TSNARE1: variants seen among roughly 807,000 people sequenced by gnomAD.
TSNARE1 encodes t-SNARE domain-containing protein 1.
Under a neutral mutation model 62.0 loss-of-function variants are expected in TSNARE1, and 49 were observed. The observed-to-expected ratio is 0.79, with a 90% CI of 0.63 to 1.00. The LOEUF is 1.00. Among genes scored for constraint, TSNARE1 ranks in the 50% least tolerant of loss-of-function variants. The pLI is 0.00. For missense variants in TSNARE1, 755 were observed against 700.1 expected, an observed-to-expected ratio of 1.08 and a Z score of -0.88; for synonymous variants, 328 against 294.4, an observed-to-expected ratio of 1.11 and a Z score of -1.17.
At chr8:142,380,558 C>A (rs1042886948) in intron 1 of TSNARE1, among the ~76,000 whole-genome samples, 1 of 151,594 alleles carries the variant, frequency 6.6e-6, no homozygotes, top group African/African-American at 2.4e-5. Context: ...CCACTTCTCA[C>A]AGCAGCCCCT....
chr8:142,350,172 G>T (rs1469578509), intron 2 of TSNARE1, among the ~76,000 whole-genome samples: 1 of 120,330 alleles, frequency 8.3e-6, no homozygotes, highest in Non-Finnish European at 1.9e-5. Context: ...CAGGCAGGGT[G>T]GGCAGGGCTG....
At chr8:142,278,197 A>G (rs940143754) in intron 11 of TSNARE1, 1 of 985,106 alleles carries the variant, frequency 1.0e-6, no homozygotes, top group African/African-American at 1.7e-5. Flanking sequence ...CCCCTTGTCC[A>G]AGCCCAGCCA....
At chr8:142,290,051 TGAG>T (rs1199316255) in intron 10 of TSNARE1, among the ~76,000 whole-genome samples, 2 of 152,090 alleles carry the variant, frequency 1.3e-5, no homozygotes, top group African/African-American at 4.8e-5. Context: ...CCTCGGCTCC[TGAG>T]GAGGAAGCTC....
intron 9 of TSNARE1, among the ~76,000 whole-genome samples, chr8:142,305,442 A>G (rs570094105): frequency 1.6e-3 from 243 of 151,926 alleles, no homozygotes; most frequent in African/African-American, 5.7e-3. Flanking sequence ...GAAGGCAGTC[A>G]CACTGGGATG....
chr8:142,275,709 C>T, intron 11 of TSNARE1: 1 of 985,454 alleles, frequency 1.0e-6, no homozygotes, highest in East Asian at 1.1e-4. Context: ...TGGAGAAGAG[C>T]TTGGGAGGCA....
chr8:142,279,694 A>G (rs1821093624), intron 11 of TSNARE1, among the ~76,000 whole-genome samples: 1 of 152,080 alleles, frequency 6.6e-6, no homozygotes. Flanking sequence ...ACCTAAAAGA[A>G]GAGATGGGCC....
Position 142,354,751 on chromosome 8 carries a change from C to G in TSNARE1, c.-27G>C, listed in dbSNP as rs1302245980. On this transcript the variant is annotated 5_prime_UTR_variant, in exon 2 of 14. Coordinates refer to ENST00000524325, the MANE Select transcript of TSNARE1 (RefSeq NM_145003.5). ...TTCTTACAGATGGCAGGGCCAGCAGCCTCCACACTGAGCTGGAGGAAACAC... is the reference window on the plus strand; with the variant it reads ...TTCTTACAGATGGCAGGGCCAGCAGGCTCCACACTGAGCTGGAGGAAACAC... The G allele has an allele frequency of 6.3e-7, 1 of 1,575,454 alleles. No homozygotes were observed.
At chr8:142,233,503 T>A (rs1382840976) in intron 12 of TSNARE1, among the ~76,000 whole-genome samples, 1 of 152,082 alleles carries the variant, frequency 6.6e-6, no homozygotes, top group Admixed American at 6.5e-5. Flanking sequence ...CCGGGAGACC[T>A]CCCTGCATCA....
intron 12 of TSNARE1, chr8:142,274,538 G>A: frequency 2.0e-6 from 2 of 985,428 alleles, no homozygotes; most frequent in Non-Finnish European, 2.4e-6. Flanking sequence ...GGGCGGCGTG[G>A]TGCATACAAG....
intron 1 of TSNARE1, among the ~76,000 whole-genome samples, chr8:142,380,601 C>T (rs1205994989): frequency 2.6e-5 from 4 of 151,996 alleles, no homozygotes; most frequent in African/African-American, 7.3e-5. Context: ...TGTAGGCTCC[C>T]TGCAGAGCCC....
intron 11 of TSNARE1, chr8:142,276,270 C>G (rs1416248203): frequency 1.0e-6 from 1 of 985,334 alleles, no homozygotes; most frequent in Non-Finnish European, 1.2e-6. Context: ...CAGCCCCCAA[C>G]TGAACTCTGC....
chr8:142,227,233 C>T (rs1816857887), intron 13 of TSNARE1, among the ~76,000 whole-genome samples: 1 of 151,358 alleles, frequency 6.6e-6, no homozygotes, highest in Admixed American at 6.6e-5. Flanking sequence ...CAGCCAGGCC[C>T]TACATCCTGC....
chr8:142,360,668 C>T (rs1015344627), intron 1 of TSNARE1, among the ~76,000 whole-genome samples: 3 of 152,148 alleles, frequency 2.0e-5, no homozygotes, highest in African/African-American at 7.2e-5. Context: ...CCTTGCACTG[C>T]CCAGATCCTG....
At chr8:142,314,548 C>A in intron 8 of TSNARE1, 108 bp from the exon 9 acceptor site, 1 of 881,436 alleles carries the variant, frequency 1.1e-6, no homozygotes, top group Non-Finnish European at 1.8e-6. Flanking sequence ...TGCAGCAAAA[C>A]ACGCCTGCCA....
chr8:142,355,374 C>T (rs979271563), intron 1 of TSNARE1, among the ~76,000 whole-genome samples: 1 of 152,234 alleles, frequency 6.6e-6, no homozygotes, highest in Non-Finnish European at 1.5e-5. Context: ...AGAGGACCTG[C>T]GTCTTAGGGC....
At chr8:142,355,789 G>A (rs1240135020) in intron 1 of TSNARE1, among the ~76,000 whole-genome samples, 3 of 152,288 alleles carry the variant, frequency 2.0e-5, no homozygotes, top group African/African-American at 4.8e-5. Flanking sequence ...TGAGCCTCAC[G>A]CCAGCTGAGT....
intron 1 of TSNARE1, among the ~76,000 whole-genome samples, chr8:142,364,817 A>G (rs1000526835): frequency 2.6e-5 from 4 of 152,242 alleles, no homozygotes; most frequent in Non-Finnish European, 4.4e-5. Context: ...ATAAAAATTT[A>G]TGAGTCCACA....
intron 4 of TSNARE1, among the ~76,000 whole-genome samples, chr8:142,332,446 T>C (rs1295459349): frequency 1.3e-5 from 2 of 151,234 alleles, no homozygotes; most frequent in South Asian, 2.1e-4. Flanking sequence ...GGGGGTGCTT[T>C]TGGGGGTGAT....
intron 11 of TSNARE1, among the ~76,000 whole-genome samples, chr8:142,279,376 G>C (rs951165222): frequency 6.6e-6 from 1 of 152,200 alleles, no homozygotes; most frequent in Non-Finnish European, 1.5e-5. Flanking sequence ...GGGCACCAGG[G>C]CACCCTGGGC....
Sources: gnomAD v4.1 joint callset for allele counts (sites outside exome capture counted in the v4.1 genomes callset) on GRCh38, gnomAD v4.1.1 for gene constraint, MANE v1.5 for transcripts, NCBI Gene and HGNC (gene_info 2026-07-23, HGNC 2026-07-21) for gene names.